FNDC3B: variants seen among roughly 807,000 people sequenced by gnomAD.
The protein encoded by FNDC3B is fibronectin type III domain-containing protein 3B.
FNDC3B carries 12 observed loss-of-function variants against 151.5 expected under a neutral mutation model. That is an observed-to-expected ratio of 0.08 (90% CI 0.05 to 0.13). FNDC3B has a LOEUF of 0.13. Ranked by LOEUF, FNDC3B falls within the 10% of genes least tolerant of loss-of-function variation. The probability of loss-of-function intolerance (pLI) is 1.00; values close to 1 mark genes in which losing one functional copy is unlikely to be tolerated. For synonymous variants in FNDC3B, 528 were observed against 549.0 expected, an observed-to-expected ratio of 0.96 and a Z score of 0.54; for missense variants, 1,214 against 1,505.3, an observed-to-expected ratio of 0.81 and a Z score of 3.20.
At chr3:172,350,055 C>G (rs12485509) in intron 21 of FNDC3B, among the ~76,000 whole-genome samples, 66,258 of 151,906 alleles carry the variant, frequency 0.44, 16,089 homozygotes, top group Non-Finnish European at 0.56. Context: ...TTTCTCTGTA[C>G]TATTTTTGCA....
intron 4 of FNDC3B, among the ~76,000 whole-genome samples, chr3:172,233,749 G>A (rs1029002200): frequency 4.6e-5 from 7 of 152,198 alleles, no homozygotes; most frequent in Admixed American, 4.6e-4. Context: ...GAGAAACTGA[G>A]ATTCAGACCC....
At chr3:172,341,932 T>A (rs1352299832) in intron 17 of FNDC3B, among the ~76,000 whole-genome samples, 1 of 152,236 alleles carries the variant, frequency 6.6e-6, no homozygotes, top group African/African-American at 2.4e-5. Context: ...TAAATGGTTT[T>A]AACTTACACT....
At chr3:172,386,140 A>G (rs1735695998) in intron 25 of FNDC3B, among the ~76,000 whole-genome samples, 1 of 152,192 alleles carries the variant, frequency 6.6e-6, no homozygotes, top group Non-Finnish European at 1.5e-5. Flanking sequence ...CTTTTTTTCC[A>G]GGAAGCTTAA....
At chr3:172,199,373 G>A (rs977099299) in intron 3 of FNDC3B, among the ~76,000 whole-genome samples, 5 of 149,676 alleles carry the variant, frequency 3.3e-5, no homozygotes, top group Non-Finnish European at 7.4e-5. Context: ...TAGAGACGGG[G>A]TTTCACCGTG....
chr3:172,211,259 A>G (rs778943708), intron 3 of FNDC3B, among the ~76,000 whole-genome samples: 5 of 152,256 alleles, frequency 3.3e-5, no homozygotes, highest in Non-Finnish European at 5.9e-5. Flanking sequence ...CAGGATGAAG[A>G]AACAGAAATC....
At chr3:172,214,532 A>G (rs1180799662) in intron 3 of FNDC3B, among the ~76,000 whole-genome samples, 1 of 63,420 alleles carries the variant, frequency 1.6e-5, no homozygotes, top group East Asian at 2.9e-4. Context: ...CAGGTAGATA[A>G]GCTATGACTC....
At chr3:172,179,505 A>G (rs565832681) in intron 3 of FNDC3B, among the ~76,000 whole-genome samples, 2 of 152,262 alleles carry the variant, frequency 1.3e-5, no homozygotes, top group East Asian at 3.9e-4. Context: ...TTTGAGCCAC[A>G]ACTTCACTGT....
At position 172,399,916 on chromosome 3, in the gene FNDC3B, T is replaced by C. The variant is rs1736492804; in HGVS notation, c.*2441T>C. On this transcript the variant is annotated 3_prime_UTR_variant, in exon 26 of 26. Coordinates refer to ENST00000415807, the MANE Select transcript of FNDC3B (RefSeq NM_022763.4). ...TTCTTGAGATTTTCATACTATCATT[T>C]AACCACCAGGAAGCTGAAGTGTGTG... The C allele has an allele frequency of 6.5e-6, 1 of 152,682 alleles. No individual in the cohort carries two copies. The highest frequency in any genetic ancestry group is 1.5e-5 in the Non-Finnish European group (1 of 68,046). 9.5% of individuals were successfully genotyped at this position (152,682 alleles called of 1,614,324 possible). A position where few individuals can be genotyped will look rare whatever the true frequency, so the allele number is the denominator to read the frequency against.
At chr3:172,223,676 A>G (rs1449609596) in intron 3 of FNDC3B, among the ~76,000 whole-genome samples, 1 of 152,190 alleles carries the variant, frequency 6.6e-6, no homozygotes, top group Non-Finnish European at 1.5e-5. Flanking sequence ...ATTTTTACCT[A>G]ATGAGGAAGG....
intron 3 of FNDC3B, among the ~76,000 whole-genome samples, chr3:172,162,635 C>G (rs2108620157): frequency 6.8e-6 from 1 of 146,356 alleles, no homozygotes; most frequent in South Asian, 2.2e-4. Flanking sequence ...TCTTCACATT[C>G]TTGTCAACAC....
chr3:172,220,041 G>A (rs569425525), intron 3 of FNDC3B, among the ~76,000 whole-genome samples: 1 of 138,434 alleles, frequency 7.2e-6, no homozygotes, highest in African/African-American at 2.8e-5. Context: ...GGAATTGGTG[G>A]GTCATAAGGT....
intron 6 of FNDC3B, among the ~76,000 whole-genome samples, chr3:172,272,610 C>T (rs911282561): frequency 6.6e-6 from 1 of 152,188 alleles, no homozygotes; most frequent in Non-Finnish European, 1.5e-5. Context: ...TTTCAGGAGA[C>T]TATTCTGTAT....
chr3:172,184,219 C>G (rs192369254), intron 3 of FNDC3B: 1 of 152,270 alleles, frequency 6.6e-6, no homozygotes, highest in East Asian at 1.9e-4. Flanking sequence ...CTTCTTGTAC[C>G]CTTTTACTCT....
chr3:172,157,197 A>G (rs1487076250), intron 3 of FNDC3B, among the ~76,000 whole-genome samples: 2 of 152,200 alleles, frequency 1.3e-5, no homozygotes, highest in Non-Finnish European at 2.9e-5. Flanking sequence ...TTAAACATGA[A>G]GAAACAAAGG....
rs1424827339 is a variant in FNDC3B, at chr3:172,112,564, T to G, written c.85T>G (p.Leu29Val). 1 of 1,613,730 alleles carries G rather than the reference T, an allele frequency of 6.2e-7. No individual in the cohort carries two copies. The highest frequency in any genetic ancestry group is 1.3e-5 in the African/African-American group (1 of 75,032). ...LNGEVAMMPHLVNGDAAQQVI... is the reference protein window; with the variant it reads ...LNGEVAMMPHVVNGDAAQQVI... Reference sequence around the variant, plus strand: ...CGGAGAGGTAGCCATGATGCCCCACTTGGTGAATGGAGATGCAGCTCAGCA... The same window carrying G: ...CGGAGAGGTAGCCATGATGCCCCACGTGGTGAATGGAGATGCAGCTCAGCA... The change falls in exon 2 of 26, where the codon TTG becomes GTG. Residue 29 changes from leucine to valine, a missense_variant. This residue lies in a region of FNDC3B where 113 missense variants were observed against 177.8 expected (regional missense o/e 0.64). Transcript: ENST00000415807.
intron 1 of FNDC3B, among the ~76,000 whole-genome samples, chr3:172,050,107 G>A (rs965673410): frequency 6.6e-6 from 1 of 151,878 alleles, no homozygotes; most frequent in Non-Finnish European, 1.5e-5. Context: ...GGTATTTGAT[G>A]TTGAGTATAG....
At chr3:172,291,240 T>C (rs1288772830) in intron 7 of FNDC3B, among the ~76,000 whole-genome samples, 2 of 152,350 alleles carry the variant, frequency 1.3e-5, no homozygotes, top group East Asian at 3.9e-4. Flanking sequence ...AACAACTGCT[T>C]TCAAGTTGGA....
At chr3:172,200,121 A>T (rs1725069668) in intron 3 of FNDC3B, among the ~76,000 whole-genome samples, 1 of 152,154 alleles carries the variant, frequency 6.6e-6, no homozygotes, top group African/African-American at 2.4e-5. Flanking sequence ...CCTGGACAGG[A>T]TGTCATTCCA....
In FNDC3B at chr3:172,333,089, G is replaced by C. The variant is rs1732760286; in HGVS notation, c.1555G>C (p.Asp519His). Reference sequence around the variant, plus strand: ...TTTCTTCCTGGCTTTGCCTTTTCAGGATAACCTTTTCCACCCAAAATACAC... The same window carrying C: ...TTTCTTCCTGGCTTTGCCTTTTCAGCATAACCTTTTCCACCCAAAATACAC... ...YTLEIQEDENDNLFHPKYTGE... is the reference protein window; with the variant it reads ...YTLEIQEDENHNLFHPKYTGE... Residue 519 changes from aspartate to histidine, a missense_variant and splice_region_variant, in exon 14 of 26, where the codon GAT (aspartate) becomes CAT (histidine). Physicochemically the swap from Asp to His is moderately conservative, Grantham distance 81. This residue lies in a region of FNDC3B where 111 missense variants were observed against 96.8 expected (regional missense o/e 1.15). Coordinates refer to ENST00000415807, the MANE Select transcript of FNDC3B (RefSeq NM_022763.4). 6.2e-7 allele frequency: 1 copy of C among 1,607,444 alleles called. No homozygotes were observed. The highest frequency in any genetic ancestry group is 8.5e-7 in the Non-Finnish European group (1 of 1,173,982).
Sources: allele counts gnomAD v4.1 joint callset (sites outside exome capture counted in the v4.1 genomes callset), GRCh38; gene constraint gnomAD v4.1.1; regional missense constraint gnomAD v4.1.1; transcripts MANE v1.5; gene names NCBI Gene and HGNC (gene_info 2026-07-23, HGNC 2026-07-21).